Variants in SYT9 observed in about 807,000 individuals in gnomAD.
SYT9 encodes synaptotagmin 9.
Under a neutral mutation model 48.4 loss-of-function variants are expected in SYT9, and 22 were observed. The ratio of observed to expected loss-of-function variants is 0.45; its 90% CI spans 0.32 to 0.65. The LOEUF (loss-of-function observed/expected upper bound fraction) is 0.65, where lower values mean the gene tolerates loss of function less well. SYT9 is among the 30% of genes least tolerant of loss of function. SYT9 has a pLI of 0.03. For missense variants in SYT9, 577 were observed against 622.0 expected, an observed-to-expected ratio of 0.93 and a Z score of 0.77; for synonymous variants, 265 against 245.0, an observed-to-expected ratio of 1.08 and a Z score of -0.76.
At chr11:7,349,340 TA>T (rs1346953283) in intron 3 of SYT9, among the ~76,000 whole-genome samples, 1 of 151,488 alleles carries the variant, frequency 6.6e-6, no homozygotes, top group East Asian at 1.9e-4. Context: ...GTTAAAATGA[TA>T]AATTTTATGA....
chr11:7,409,225 C>A (rs956838085), intron 3 of SYT9, among the ~76,000 whole-genome samples: 2 of 152,120 alleles, frequency 1.3e-5, no homozygotes, highest in East Asian at 3.8e-4. Context: ...ATATGTTGAG[C>A]CATCAGTGCA....
At chr11:7,246,733 G>A (rs1246381341) in intron 1 of SYT9, among the ~76,000 whole-genome samples, 1 of 152,210 alleles carries the variant, frequency 6.6e-6, no homozygotes, top group East Asian at 1.9e-4. Flanking sequence ...TTTTGTGGGT[G>A]AGAAATTTGG....
At chr11:7,358,007 A>T (rs985474200) in intron 3 of SYT9, among the ~76,000 whole-genome samples, 2 of 152,168 alleles carry the variant, frequency 1.3e-5, no homozygotes, top group African/African-American at 4.8e-5. Context: ...AGCAGCGGAG[A>T]ATAAAAGCAG....
At chr11:7,374,330 T>G (rs1850416018) in intron 3 of SYT9, among the ~76,000 whole-genome samples, 1 of 152,086 alleles carries the variant, frequency 6.6e-6, no homozygotes, top group Non-Finnish European at 1.5e-5. Flanking sequence ...ATTATGGGCA[T>G]TTGGTTGTTT....
chr11:7,280,216 T>G (rs1848469290), intron 1 of SYT9, among the ~76,000 whole-genome samples: 1 of 152,274 alleles, frequency 6.6e-6, no homozygotes, highest in Admixed American at 6.5e-5. Context: ...TACATTACAA[T>G]TGATTCTCAC....
At chr11:7,281,656 A>T (rs187474380) in intron 1 of SYT9, among the ~76,000 whole-genome samples, 2 of 152,330 alleles carry the variant, frequency 1.3e-5, no homozygotes, top group East Asian at 3.9e-4. Context: ...TTTGGAGCTG[A>T]AAGTTTGAGA....
intron 3 of SYT9, among the ~76,000 whole-genome samples, chr11:7,384,508 G>T (rs1850621562): frequency 6.6e-6 from 1 of 152,058 alleles, no homozygotes; most frequent in African/African-American, 2.4e-5. Flanking sequence ...TCTTCCATTA[G>T]AAAATCCTAT....
chr11:7,389,031 G>C (rs563560214), intron 3 of SYT9, among the ~76,000 whole-genome samples: 42 of 152,288 alleles, frequency 2.8e-4, no homozygotes, highest in Non-Finnish European at 4.1e-4. Context: ...GTTTAATAAA[G>C]GGTTAAGTCA....
At chr11:7,348,688 C>CTTTT (rs34752256) in intron 3 of SYT9, among the ~76,000 whole-genome samples, 583 of 47,078 alleles carry the variant, frequency 0.012, 44 homozygotes, top group African/African-American at 0.019. Flanking sequence ...ATCAGACCTC[C>CTTTT]TTTTTTTTTT....
At chr11:7,284,346 C>G (rs1398976778) in intron 1 of SYT9, among the ~76,000 whole-genome samples, 1 of 152,108 alleles carries the variant, frequency 6.6e-6, no homozygotes, top group African/African-American at 2.4e-5. Flanking sequence ...CTTTCTCTTT[C>G]TTGAATTCCT....
intron 6 of SYT9, among the ~76,000 whole-genome samples, chr11:7,445,582 C>T (rs1287436421): frequency 1.3e-5 from 2 of 152,222 alleles, no homozygotes; most frequent in Non-Finnish European, 2.9e-5. Flanking sequence ...ACACTTCCAA[C>T]CATCCTTTTC....
intron 1 of SYT9, among the ~76,000 whole-genome samples, chr11:7,269,350 A>G (rs1424094617): frequency 6.6e-6 from 1 of 152,160 alleles, no homozygotes; most frequent in African/African-American, 2.4e-5. Context: ...TAAAATTCCA[A>G]AGGAAATTAT....
In SYT9 at chr11:7,303,132, T is replaced by A; in HGVS notation, c.239T>A (p.Val80Asp). The change falls in exon 2 of 7, where the codon GTT becomes GAT. Residue 80 changes from valine (V) to aspartate (D), a missense_variant. Transcript: ENST00000318881. The stretch of plus-strand genomic sequence containing the variant: ...TTCGTATCTTGGAAACTCTGCTGGG[T>A]TCCGTGGCGAGAACGAGGCCTGCCC... ...SLFVSWKLCW[V>D]PWRERGLPSG... is the part of the protein sequence containing the mutation. 1 of 1,614,158 alleles carries A rather than the reference T, an allele frequency of 6.2e-7. No homozygotes were observed. Among genetic ancestry groups the A allele is most frequent in the Non-Finnish European group, 8.5e-7 (1 of 1,180,016 alleles).
rs184863927 is a variant in SYT9 at position 7,462,209 on chromosome 11, T to C, written c.1468-4583T>C. ...TTCTGGCTCTGCCATTTACTACCTT[T>C]ATTATTTGGCCTTTTTCAGACTCAG... On this transcript the variant is annotated intron_variant, in intron 6 of 6. Transcript: ENST00000318881. Among the ~76,000 whole-genome samples, 10 of 152,350 alleles carry C rather than the reference T, an allele frequency of 6.6e-5. No individual in the cohort carries two copies. The East Asian group carries it at 1.9e-3, about 29-fold the overall frequency.
At chr11:7,379,802 A>G (rs2013704) in intron 3 of SYT9, among the ~76,000 whole-genome samples, 121,066 of 152,020 alleles carry the variant, frequency 0.8, 48,591 homozygotes, top group East Asian at 0.88. Flanking sequence ...AAATGCTGGC[A>G]AGGATGTGGA....
chr11:7,328,102 TTA>T (rs1564863943), intron 3 of SYT9, among the ~76,000 whole-genome samples: 15 of 137,144 alleles, frequency 1.1e-4, no homozygotes, highest in Non-Finnish European at 2.1e-4. Flanking sequence ...AATAATAATT[TTA>T]AAAAAAATTT....
chr11:7,383,990 CTTGA>C (rs1850611535), intron 3 of SYT9, among the ~76,000 whole-genome samples: 1 of 151,764 alleles, frequency 6.6e-6, no homozygotes, highest in South Asian at 2.1e-4. Flanking sequence ...TTAGATTTGA[CTTGA>C]TTTTTAATTT....
intron 3 of SYT9, among the ~76,000 whole-genome samples, chr11:7,332,555 G>C (rs1366179034): frequency 6.6e-6 from 1 of 152,164 alleles, no homozygotes; most frequent in Non-Finnish European, 1.5e-5. Flanking sequence ...TATAGGAAAA[G>C]GAAGGAGAAA....
Position 7,466,959 on chromosome 11 carries a change from T to C in SYT9, c.*159T>C. On this transcript the variant is annotated 3_prime_UTR_variant, in exon 7 of 7. Transcript: ENST00000318881. The stretch of plus-strand genomic sequence containing the variant: ...AACTGGCCTTCTTTCCAGATTGGGT[T>C]TGGTGAACCTGAATGGTCCAGCCAC... 1 of 898,328 alleles carries C rather than the reference T, an allele frequency of 1.1e-6. No individual in the cohort carries two copies. The highest frequency in any genetic ancestry group is 1.7e-6 in the Non-Finnish European group (1 of 574,854). The allele number at this position is 898,328 out of a possible 1,614,324, so 55.6% of individuals were successfully genotyped here. A position where few individuals can be genotyped will look rare whatever the true frequency, so the allele number is the denominator to read the frequency against.
Sources: gnomAD v4.1 joint callset for allele counts (sites outside exome capture counted in the v4.1 genomes callset) on GRCh38, gnomAD v4.1.1 for gene constraint, MANE v1.5 for transcripts, NCBI Gene and HGNC (gene_info 2026-07-23, HGNC 2026-07-21) for gene names.